Variants in FRMPD3 observed in about 807,000 individuals in gnomAD.
FRMPD3 encodes the protein FERM and PDZ domain-containing protein 3.
A neutral mutation model predicts 97.9 loss-of-function variants in FRMPD3; 42 were observed. The observed-to-expected ratio is 0.43, with a 90% CI of 0.34 to 0.55. The LOEUF is 0.55. Among genes scored for constraint, FRMPD3 ranks in the 20% least tolerant of loss-of-function variants. FRMPD3 has a pLI of 0.03. For synonymous variants in FRMPD3, 577 were observed against 581.1 expected (o/e 0.99, Z 0.10); for missense variants, 1,303 against 1,457.7 (o/e 0.89, Z 1.73).
chrX:107,597,345 C>T lies in FRMPD3; in HGVS notation c.1466C>T (p.Pro489Leu), dbSNP rs1232422463. The T allele has an allele frequency of 2.5e-6, 3 of 1,207,719 alleles. No individual in the cohort carries two copies. The highest frequency in any genetic ancestry group is 4.4e-5 in the Admixed American group (2 of 45,702). ...GATTACATGCACAGCGCCCACCGCCCTGTCACTGGGGGCCACCTGGGGAAA... is the reference window on the plus strand; with the variant it reads ...GATTACATGCACAGCGCCCACCGCCTTGTCACTGGGGGCCACCTGGGGAAA... ...KADYMHSAHR[P>L]VTGGHLGKKE... The change falls in exon 14 of 15, where the codon CCT becomes CTT. Residue 489 changes from proline (P) to leucine (L), a missense_variant. Around this residue, in one of 3 missense-constraint regions of FRMPD3, gnomAD observed 535 missense variants for 618.6 expected, o/e 0.86. Coordinates refer to ENST00000683843, the MANE Select transcript of FRMPD3 (RefSeq NM_001388459.1).
chrX:107,580,621 C>T (rs1313290009), intron 13 of FRMPD3, among the ~76,000 whole-genome samples: 1 of 111,634 alleles, frequency 9.0e-6, no homozygotes, highest in East Asian at 2.8e-4. Flanking sequence ...TCAGCTGTCT[C>T]ATACGTAGTT....
chrX:107,557,695 T>TGTGTG lies in FRMPD3; in HGVS notation c.763-2562_763-2561insGTGTG, dbSNP rs1399458462. Among the ~76,000 whole-genome samples, 67 of 87,628 alleles carry TGTGTG rather than the reference T, an allele frequency of 7.6e-4. 1 individual carries two copies. The highest frequency in any genetic ancestry group is 3.2e-3 in the African/African-American group (64 of 19,802). The allele number at this position is 87,628 out of a possible 115,157, so 76.1% of individuals were successfully genotyped here. On this transcript the variant is annotated intron_variant, in intron 8 of 14. Transcript: ENST00000683843. ...TGTGTGTGTGTGTGTGTGTGTGTGT[T>TGTGTG]TTTTTTTGCATATGGATATCCAATT...
chrX:107,560,201 G>A (rs1922283903), intron 8 of FRMPD3, 56 bp from the exon 9 acceptor site: 2 of 1,175,000 alleles, frequency 1.7e-6, no homozygotes, highest in Non-Finnish European at 2.3e-6. Flanking sequence ...GTAGATCAGG[G>A]GGTGGGGAAG....
chrX:107,510,899 A>T, intron 1 of FRMPD3, among the ~76,000 whole-genome samples: 1 of 112,245 alleles, frequency 8.9e-6, no homozygotes, highest in South Asian at 3.7e-4. Context: ...GGTGCACTGG[A>T]AGGAGTCAGG....
At chrX:107,467,760 T>C (rs751690465) in intron 1 of FRMPD3, among the ~76,000 whole-genome samples, 1 of 111,256 alleles carries the variant, frequency 9.0e-6, no homozygotes, top group Non-Finnish European at 1.9e-5. Context: ...TGCAGTATTA[T>C]TCCACATTCC....
intron 1 of FRMPD3, among the ~76,000 whole-genome samples, chrX:107,451,294 G>T (rs1225519704): frequency 1.8e-5 from 2 of 112,438 alleles, no homozygotes; most frequent in Non-Finnish European, 3.8e-5. Flanking sequence ...TAAGCGCAAG[G>T]CTCCCTTGGG....
intron 1 of FRMPD3, among the ~76,000 whole-genome samples, chrX:107,506,989 C>T (rs992449040): frequency 3.6e-5 from 4 of 111,075 alleles, no homozygotes; most frequent in Non-Finnish European, 5.7e-5. Context: ...AGCCCAGCCC[C>T]GGCCCGGAGG....
intron 12 of FRMPD3, 149 bp from the exon 13 acceptor site, chrX:107,576,166 A>G: frequency 1.9e-6 from 1 of 534,661 alleles, no homozygotes; most frequent in Non-Finnish European, 3.1e-6. Context: ...AGAATAAACT[A>G]TTTGTCAAGC....
intron 10 of FRMPD3, among the ~76,000 whole-genome samples, chrX:107,562,306 G>T (rs1922406245): frequency 8.9e-6 from 1 of 112,640 alleles, no homozygotes; most frequent in African/African-American, 3.2e-5. Context: ...TTCATGGAGG[G>T]CCTTGTGTGC....
intron 1 of FRMPD3, chrX:107,513,366 G>T (rs779903236): frequency 4.5e-5 from 5 of 111,639 alleles, no homozygotes; most frequent in Non-Finnish European, 7.5e-5. Context: ...CCCTAGGAAA[G>T]TAACCAAATC....
chrX:107,535,528 G>A (rs1360748236), intron 4 of FRMPD3, among the ~76,000 whole-genome samples: 1 of 109,748 alleles, frequency 9.1e-6, no homozygotes, highest in African/African-American at 3.3e-5. Flanking sequence ...AAAAAATTAG[G>A]CTGGGATGGT....
chrX:107,550,087 T>C lies in FRMPD3; in HGVS notation c.441T>C (p.Asn147=), dbSNP rs759314121. 1 of 1,205,365 alleles carries C rather than the reference T, an allele frequency of 8.3e-7. No homozygotes were observed. Among genetic ancestry groups the C allele is most frequent in the Non-Finnish European group, 1.1e-6 (1 of 891,371 alleles). Residue 147 remains asparagine (N), a synonymous_variant, in exon 6 of 15, where the codon AAT becomes AAC. Transcript: ENST00000683843. ...AGGAAGCTCTCCTCCTCATCCCTAA[T>C]GTCCTGAAGGTTTTCTTAGAAAATG... ...MKKEALLLIP[N]VLKVFLENGQ... is the part of the protein sequence containing the mutation.
chrX:107,574,278 G>GA (rs1181797880), intron 12 of FRMPD3, among the ~76,000 whole-genome samples: 58 of 97,870 alleles, frequency 5.9e-4, no homozygotes, highest in Admixed American at 1.2e-3. Flanking sequence ...TGTCTCTATT[G>GA]AAAAAAAAAA....
At chrX:107,493,943 A>C (rs950848595) in intron 1 of FRMPD3, among the ~76,000 whole-genome samples, 3 of 111,603 alleles carry the variant, frequency 2.7e-5, no homozygotes, top group Non-Finnish European at 5.6e-5. Flanking sequence ...CAAGCTCAAG[A>C]AAGCTCTCAG....
At chrX:107,467,023 T>A (rs7880324) in intron 1 of FRMPD3, among the ~76,000 whole-genome samples, 3,007 of 98,238 alleles carry the variant, frequency 0.031, 90 homozygotes, top group African/African-American at 0.082. Context: ...TGTGTGTGTG[T>A]GAGAGAGAGA....
intron 4 of FRMPD3, among the ~76,000 whole-genome samples, chrX:107,537,797 C>T (rs959006339): frequency 9.0e-6 from 1 of 111,623 alleles, no homozygotes; most frequent in East Asian, 2.8e-4. Flanking sequence ...TTGCAGATTC[C>T]CTATTTGCAA....
intron 5 of FRMPD3, 66 bp downstream of exon 5, chrX:107,545,907 G>A (rs1921575041): frequency 1.2e-5 from 10 of 863,545 alleles, no homozygotes; most frequent in South Asian, 2.2e-5. Flanking sequence ...TCAAGCTCTC[G>A]CTCTGGGGCT....
chrX:107,602,390 C>T lies in FRMPD3; in HGVS notation c.4351C>T (p.Pro1451Ser). ...RSLESPTLGD[P>S]SYVQVAPETK... ...TCTGGAGTCACCGACGCTGGGAGACCCCTCCTACGTCCAGGTTGCCCCAGA... is the reference window on the plus strand; with the variant it reads ...TCTGGAGTCACCGACGCTGGGAGACTCCTCCTACGTCCAGGTTGCCCCAGA... The change falls in exon 15 of 15, where the codon CCC becomes TCC. Residue 1451 changes from proline to serine, a missense_variant. Physicochemically the swap from Pro to Ser is moderately conservative, Grantham distance 74. Transcript: ENST00000683843. The T allele has an allele frequency of 2.5e-6, 3 of 1,210,572 alleles. No individual in the cohort carries two copies. The highest frequency in any genetic ancestry group is 3.4e-6 in the Non-Finnish European group (3 of 895,117).
chrX:107,549,412 A>G (rs932683209), intron 5 of FRMPD3, among the ~76,000 whole-genome samples: 4 of 111,993 alleles, frequency 3.6e-5, no homozygotes, highest in African/African-American at 1.3e-4. Flanking sequence ...TTCATGTCTC[A>G]GGGTCGGAGA....
Sources: gnomAD v4.1 joint callset for allele counts (sites outside exome capture counted in the v4.1 genomes callset) on GRCh38, gnomAD v4.1.1 for gene constraint, gnomAD v4.1.1 regional missense constraint, MANE v1.5 for transcripts, NCBI Gene and HGNC (gene_info 2026-07-23, HGNC 2026-07-21) for gene names.